PDZD2: variants seen among roughly 807,000 people sequenced by gnomAD.
PDZD2 encodes PDZ domain-containing protein 2.
In PDZD2, 90 loss-of-function variants were observed where a neutral mutation model predicts 220.7. That is an observed-to-expected ratio of 0.41 (90% confidence interval 0.34 to 0.49). The LOEUF is 0.49. PDZD2 is among the 20% of genes least tolerant of loss of function. The pLI, the probability that PDZD2 is intolerant of heterozygous loss-of-function variation, is 0.28. For synonymous variants in PDZD2, 1,375 were observed against 1,450.5 expected, an observed-to-expected ratio of 0.95 and a Z score of 1.18; for missense variants, 3,174 against 3,608.5, an observed-to-expected ratio of 0.88 and a Z score of 3.08.
In PDZD2 at chr5:31,867,237, G is replaced by A. The variant is rs533976038; in HGVS notation, c.476+67513G>A. Among the ~76,000 whole-genome samples the A allele has an allele frequency of 3.3e-4, 51 of 152,306 alleles. No individual in the cohort carries two copies. In the South Asian group the frequency reaches 0.01, roughly 30 times the overall value. ...TTGAGCTCATAAAAAAACCTAATGG[G>A]ATGCAGACAGCAGATTCCAACCTAG... On this transcript the variant is annotated intron_variant, in intron 2 of 24. Coordinates refer to ENST00000438447, the MANE Select transcript of PDZD2 (RefSeq NM_178140.4).
chr5:31,676,390 AGT>A (rs1245971176), intron 1 of PDZD2, among the ~76,000 whole-genome samples: 3 of 152,104 alleles, frequency 2.0e-5, no homozygotes, highest in Non-Finnish European at 2.9e-5. Flanking sequence ...GGTCAGAAGG[AGT>A]GACAAGTGGA....
At chr5:31,895,577 C>T (rs1250547346) in intron 2 of PDZD2, among the ~76,000 whole-genome samples, 3 of 152,178 alleles carry the variant, frequency 2.0e-5, no homozygotes, top group Non-Finnish European at 1.5e-5. Flanking sequence ...ATACTTTTAG[C>T]TCACTGACAT....
chr5:31,665,526 G>C (rs958066624), intron 1 of PDZD2, among the ~76,000 whole-genome samples: 14 of 152,176 alleles, frequency 9.2e-5, no homozygotes, highest in Non-Finnish European at 2.9e-5. Flanking sequence ...TATGTGTCCA[G>C]GGAGGTACCT....
intron 6 of PDZD2, among the ~76,000 whole-genome samples, chr5:32,020,428 G>C (rs1754109379): frequency 6.6e-6 from 1 of 152,184 alleles, no homozygotes. Flanking sequence ...AGGGTAACGT[G>C]GCTCATTTTT....
chr5:31,799,326 T>C lies in PDZD2; in HGVS notation c.78T>C (p.Gly26=). The part of the protein sequence containing the change: ...YQWLQNSLQE[G]GDGPEQRLCQ... ...GGCTGCAGAACAGCCTGCAGGAAGGTGGGGATGGGCCGGAGCAGCGGCTCT... is the reference window on the plus strand; with the variant it reads ...GGCTGCAGAACAGCCTGCAGGAAGGCGGGGATGGGCCGGAGCAGCGGCTCT... The change falls in exon 2 of 25, where the codon GGT becomes GGC. Residue 26 remains glycine (G), a synonymous_variant. Transcript: ENST00000438447. 6.2e-7 allele frequency: 1 copy of C among 1,614,038 alleles called. No homozygotes were observed. Among genetic ancestry groups the C allele is most frequent in the Non-Finnish European group, 8.5e-7 (1 of 1,179,998 alleles).
In PDZD2 at chr5:32,078,244, A is replaced by G. The variant is rs1581437749; in HGVS notation, c.3682+638A>G. ...AATGCACTGAGAAATGGCAACAAAA[A>G]CCTCCACAAAGGACAAGTGAAATGA... On this transcript the variant is annotated intron_variant, in intron 19 of 24. Coordinates refer to ENST00000438447, the MANE Select transcript of PDZD2 (RefSeq NM_178140.4). Among the ~76,000 whole-genome samples, 3 of 152,228 alleles carry G rather than the reference A, an allele frequency of 2.0e-5. 1 individual carries two copies. Among genetic ancestry groups the G allele is most frequent in the Admixed American group, 2.0e-4 (3 of 15,290 alleles).
At chr5:31,675,300 A>T (rs1001837320) in intron 1 of PDZD2, among the ~76,000 whole-genome samples, 13 of 151,972 alleles carry the variant, frequency 8.6e-5, no homozygotes, top group Non-Finnish European at 1.3e-4. Flanking sequence ...CCCCGCTCCC[A>T]CCCATTTTCC....
chr5:32,104,900 C>CA (rs1375360388), intron 24 of PDZD2, among the ~76,000 whole-genome samples: 2 of 151,732 alleles, frequency 1.3e-5, no homozygotes, highest in African/African-American at 4.8e-5. Flanking sequence ...CTTTGGAGAC[C>CA]AAGGTGGGCA....
intron 2 of PDZD2, chr5:31,848,153 T>C (rs1757697911): frequency 7.7e-6 from 2 of 259,208 alleles, no homozygotes; most frequent in Admixed American, 3.8e-5. Context: ...TACTAAGACC[T>C]AAACCAAACA....
chr5:31,998,224 C>G (rs972338844), intron 4 of PDZD2, among the ~76,000 whole-genome samples: 1 of 152,146 alleles, frequency 6.6e-6, no homozygotes, highest in African/African-American at 2.4e-5. Context: ...AGTGGCCCAC[C>G]CACACAGCTC....
intron 7 of PDZD2, among the ~76,000 whole-genome samples, chr5:32,041,352 C>T (rs960937344): frequency 4.6e-5 from 7 of 152,134 alleles, no homozygotes; most frequent in East Asian, 1.9e-4. Flanking sequence ...GAAGAGACAG[C>T]GACCATCGAG....
Position 31,880,804 on chromosome 5 carries a change from T to C in PDZD2, c.476+81080T>C, listed in dbSNP as rs1247757550. ...TCTTTTTTTTTTCTTTTTTTTTTTT[T>C]TTTTTTTTTTTTTTGAGATGAAGTC... On this transcript the variant is annotated intron_variant, in intron 2 of 24. Coordinates refer to ENST00000438447, the MANE Select transcript of PDZD2 (RefSeq NM_178140.4). Among the ~76,000 whole-genome samples, 6 of 131,652 alleles carry C rather than the reference T, an allele frequency of 4.6e-5. No individual in the cohort carries two copies. In the East Asian group the frequency reaches 8.5e-4, roughly 19 times the overall value. 86.4% of individuals were successfully genotyped at this position (131,652 alleles called of 152,430 possible). A position where few individuals can be genotyped will look rare whatever the true frequency, so the allele number is the denominator to read the frequency against.
chr5:31,826,700 A>G (rs1208360066), intron 2 of PDZD2, among the ~76,000 whole-genome samples: 2 of 151,680 alleles, frequency 1.3e-5, no homozygotes, highest in African/African-American at 2.4e-5. Flanking sequence ...GATATATGAA[A>G]CCTGTTTATT....
chr5:31,757,267 C>T (rs371010800), intron 1 of PDZD2, among the ~76,000 whole-genome samples: 14 of 152,168 alleles, frequency 9.2e-5, no homozygotes, highest in African/African-American at 3.4e-4. Flanking sequence ...AACTGGATGA[C>T]AGATGAGTCC....
intron 2 of PDZD2, among the ~76,000 whole-genome samples, chr5:31,854,242 G>A (rs1660872021): frequency 6.6e-6 from 1 of 152,164 alleles, no homozygotes; most frequent in Non-Finnish European, 1.5e-5. Flanking sequence ...CTCGTGGGTC[G>A]GGCTTCCTCA....
chr5:31,961,325 C>T (rs925087321), intron 2 of PDZD2, among the ~76,000 whole-genome samples: 3 of 140,230 alleles, frequency 2.1e-5, no homozygotes, highest in East Asian at 4.2e-4. Flanking sequence ...TGAGACCAGG[C>T]GTTTGAGGGC....
intron 2 of PDZD2, among the ~76,000 whole-genome samples, chr5:31,927,367 TC>T (rs1157390847): frequency 8.7e-6 from 1 of 115,180 alleles, no homozygotes. Flanking sequence ...TCTGCTACTT[TC>T]TTTTTTGGGT....
At chr5:32,045,033 T>G (rs980877383) in intron 7 of PDZD2, among the ~76,000 whole-genome samples, 2 of 152,246 alleles carry the variant, frequency 1.3e-5, no homozygotes. Context: ...TGAATCACTC[T>G]GGTATCCACA....
chr5:31,942,535 T>C (rs1234516246), intron 2 of PDZD2, among the ~76,000 whole-genome samples: 3 of 152,168 alleles, frequency 2.0e-5, no homozygotes, highest in African/African-American at 7.2e-5. Context: ...AGTGGTTCGA[T>C]CCTAACTTGC....
Sources: gnomAD v4.1 joint callset for allele counts (sites outside exome capture counted in the v4.1 genomes callset) on GRCh38, gnomAD v4.1.1 for gene constraint, MANE v1.5 for transcripts, NCBI Gene and HGNC (gene_info 2026-07-23, HGNC 2026-07-21) for gene names.